The following MARCHF1 variants were observed in gnomAD, a reference collection of about 807,000 sequenced individuals.
MARCHF1 encodes E3 ubiquitin-protein ligase MARCHF1.
Under a neutral mutation model 54.2 loss-of-function variants are expected in MARCHF1, and 40 were observed. The ratio of observed to expected loss-of-function variants is 0.74; its 90% CI spans 0.57 to 0.96. MARCHF1 has a LOEUF of 0.96. MARCHF1 is among the 40% of genes least tolerant of loss of function. The pLI is 0.00. For synonymous variants in MARCHF1, 236 were observed against 236.3 expected (o/e 1.00, Z 0.01); for missense variants, 586 against 656.5 (o/e 0.89, Z 1.17).
At chr4:163,977,825 A>G (rs1264347909) in intron 3 of MARCHF1, among the ~76,000 whole-genome samples, 2 of 152,220 alleles carry the variant, frequency 1.3e-5, no homozygotes, top group Non-Finnish European at 1.5e-5. Context: ...CTATAAATAT[A>G]AACTTTCAAC....
chr4:164,371,089 C>A (rs1243965754), intron 1 of MARCHF1, among the ~76,000 whole-genome samples: 1 of 151,902 alleles, frequency 6.6e-6, no homozygotes, highest in Admixed American at 6.6e-5. Context: ...ATTAGACAAA[C>A]CAATGGAACA....
intron 4 of MARCHF1, among the ~76,000 whole-genome samples, chr4:163,834,396 T>A (rs966094702): frequency 8.5e-5 from 13 of 152,206 alleles, no homozygotes; most frequent in Non-Finnish European, 1.3e-4. Flanking sequence ...ATTTTCTCAA[T>A]CTCTATAAAG....
chr4:164,087,897 C>A (rs1009473109), intron 2 of MARCHF1, among the ~76,000 whole-genome samples: 1 of 151,762 alleles, frequency 6.6e-6, no homozygotes, highest in Non-Finnish European at 1.5e-5. Context: ...ATGCTTTGTC[C>A]GCATCACTTC....
At chr4:164,160,350 G>T (rs1212138372) in intron 1 of MARCHF1, among the ~76,000 whole-genome samples, 1 of 152,070 alleles carries the variant, frequency 6.6e-6, no homozygotes, top group African/African-American at 2.4e-5. Context: ...TCTACTGAAT[G>T]CTATAGGCAA....
At chr4:163,764,132 C>A (rs73870034) in intron 4 of MARCHF1, among the ~76,000 whole-genome samples, 7,210 of 152,046 alleles carry the variant, frequency 0.047, 217 homozygotes, top group African/African-American at 0.08. Flanking sequence ...TGATATATTC[C>A]TTGAGGGTTT....
intron 4 of MARCHF1, among the ~76,000 whole-genome samples, chr4:163,702,233 G>C (rs979829411): frequency 3.3e-5 from 5 of 152,150 alleles, no homozygotes; most frequent in Non-Finnish European, 5.9e-5. Context: ...GCTCCAGCTG[G>C]AGATTAATGT....
At chr4:163,546,562 G>T (rs1034763554) in intron 8 of MARCHF1, among the ~76,000 whole-genome samples, 9 of 152,144 alleles carry the variant, frequency 5.9e-5, no homozygotes, top group Admixed American at 1.3e-4. Context: ...GTATTTGAAT[G>T]ACCGAATGAT....
At chr4:164,291,374 A>T (rs1442653072) in intron 1 of MARCHF1, among the ~76,000 whole-genome samples, 1 of 152,018 alleles carries the variant, frequency 6.6e-6, no homozygotes, top group African/African-American at 2.4e-5. Flanking sequence ...CTTTAAACTA[A>T]CAGTTTGCAG....
chr4:163,857,015 AAAAT>A (rs34410156), intron 3 of MARCHF1, among the ~76,000 whole-genome samples: 421 of 131,508 alleles, frequency 3.2e-3, no homozygotes, highest in Middle Eastern at 7.4e-3. Flanking sequence ...TTTGTCTCGA[AAAAT>A]AAATAAATAA....
chr4:163,959,282 A>C (rs1057247752), intron 3 of MARCHF1, among the ~76,000 whole-genome samples: 14 of 151,870 alleles, frequency 9.2e-5, no homozygotes, highest in African/African-American at 3.4e-4. Context: ...TGGAACCAAA[A>C]AAGAGCCCAA....
chr4:164,366,365 G>A (rs1478251740), intron 1 of MARCHF1, among the ~76,000 whole-genome samples: 4 of 152,090 alleles, frequency 2.6e-5, no homozygotes, highest in Non-Finnish European at 5.9e-5. Flanking sequence ...AGAAAAGACT[G>A]TAGTGATAAC....
At chr4:164,174,448 T>C (rs1369475030) in intron 1 of MARCHF1, among the ~76,000 whole-genome samples, 3 of 152,188 alleles carry the variant, frequency 2.0e-5, no homozygotes, top group Non-Finnish European at 2.9e-5. Flanking sequence ...CATTCGGCAT[T>C]AGAAATATGA....
At chr4:163,649,407 A>C (rs1428073833) in intron 5 of MARCHF1, among the ~76,000 whole-genome samples, 4 of 152,102 alleles carry the variant, frequency 2.6e-5, no homozygotes, top group African/African-American at 9.7e-5. Flanking sequence ...TGTACAAAAG[A>C]AAGGCTATTG....
chr4:164,108,310 T>G (rs1755752528), intron 2 of MARCHF1, among the ~76,000 whole-genome samples: 1 of 152,188 alleles, frequency 6.6e-6, no homozygotes, highest in Non-Finnish European at 1.5e-5. Flanking sequence ...TGTTTTTATT[T>G]TATTCTATCT....
At chr4:163,981,768 A>G (rs1752768190) in intron 3 of MARCHF1, among the ~76,000 whole-genome samples, 1 of 152,248 alleles carries the variant, frequency 6.6e-6, no homozygotes, top group African/African-American at 2.4e-5. Flanking sequence ...TTAATAAAAC[A>G]TGCAGAGCTA....
chr4:163,604,133 G>T (rs1560968772), intron 7 of MARCHF1, among the ~76,000 whole-genome samples: 1 of 152,012 alleles, frequency 6.6e-6, no homozygotes, highest in African/African-American at 2.4e-5. Flanking sequence ...TCCCATGGGG[G>T]ATCTTGACAA....
At chr4:164,172,436 TATAAA>T (rs1417359603) in intron 1 of MARCHF1, among the ~76,000 whole-genome samples, 1 of 152,114 alleles carries the variant, frequency 6.6e-6, no homozygotes, top group Non-Finnish European at 1.5e-5. Context: ...TAGACGATGT[TATAAA>T]ATATTAAATT....
intron 7 of MARCHF1, among the ~76,000 whole-genome samples, chr4:163,605,298 TG>T (rs1477503509): frequency 4.6e-5 from 7 of 151,902 alleles, no homozygotes; most frequent in Non-Finnish European, 1.0e-4. Context: ...AACAAACATA[TG>T]AAAAAAAGCT....
intron 1 of MARCHF1, among the ~76,000 whole-genome samples, chr4:164,149,641 C>T (rs552451007): frequency 6.6e-6 from 1 of 152,228 alleles, no homozygotes; most frequent in Admixed American, 6.6e-5. Flanking sequence ...TCAGTAAAAA[C>T]AGCCATTTTT....
Sources: allele counts gnomAD v4.1 joint callset (sites outside exome capture counted in the v4.1 genomes callset), GRCh38; gene constraint gnomAD v4.1.1; transcripts MANE v1.5; gene names NCBI Gene and HGNC (gene_info 2026-07-23, HGNC 2026-07-21).